AKAP7: variants seen among roughly 807,000 people sequenced by gnomAD.
The protein encoded by AKAP7 is A-kinase anchoring protein 7.
In AKAP7, 39 loss-of-function variants were observed where a neutral mutation model predicts 39.5. The ratio of observed to expected loss-of-function variants is 0.99; its 90% CI spans 0.76 to 1.29. The LOEUF (loss-of-function observed/expected upper bound fraction) is 1.29, where lower values mean the gene tolerates loss of function less well. Ranked by LOEUF, AKAP7 falls within the 50% of genes most tolerant of loss-of-function variation. AKAP7 has a pLI of 0.00. For synonymous variants in AKAP7, 140 were observed against 139.1 expected, an observed-to-expected ratio of 1.01 and a Z score of -0.05; for missense variants, 414 against 407.7, an observed-to-expected ratio of 1.02 and a Z score of -0.13.
chr6:131,148,144 C>G (rs1317947015), intron 2 of AKAP7, among the ~76,000 whole-genome samples: 3 of 152,174 alleles, frequency 2.0e-5, no homozygotes, highest in East Asian at 3.8e-4. Flanking sequence ...GATCTTTTCT[C>G]TCTAGGATAT....
chr6:131,235,696 A>G lies in AKAP7; in HGVS notation c.850+15888A>G, dbSNP rs575373793. Among the ~76,000 whole-genome samples, 4 of 152,294 alleles carry G rather than the reference A, an allele frequency of 2.6e-5. No homozygotes were observed. The East Asian group carries it at 7.7e-4, about 29-fold the overall frequency. ...ATTTTTTCATGTGTCTTTTGGCTGC[A>G]TAAATGTCTTCTTTTGAGAAGTGCC... is the stretch of plus-strand genomic sequence containing the variant. On this transcript the variant is annotated intron_variant, in intron 7 of 7. Coordinates refer to ENST00000431975, the MANE Select transcript of AKAP7 (RefSeq NM_016377.4).
chr6:131,281,574 C>T lies in AKAP7; in HGVS notation c.895C>T (p.Leu299Phe). 5.6e-6 allele frequency: 9 copies of T among 1,613,142 alleles called. No individual in the cohort carries two copies. The highest frequency in any genetic ancestry group is 7.6e-6 in the Non-Finnish European group (9 of 1,179,528). ...GCCCGATGACGCTGAACTAGTAAGG[C>T]TCAGTAAGAGGCTGGTGGAGAACGC... ...GEPDDAELVRLSKRLVENAVL... is the reference protein window; with the variant it reads ...GEPDDAELVRFSKRLVENAVL... The change falls in exon 8 of 8, where the codon CTC becomes TTC. Residue 299 changes from leucine (L) to phenylalanine (F), a missense_variant. Transcript: ENST00000431975. This position sits in a 1 kb window ranked among gnomAD's most constrained non-coding sequence, Gnocchi z 4.0.
chr6:131,129,973 G>A, the AKAP7 span, among the ~76,000 whole-genome samples: 6 of 152,144 alleles, frequency 3.9e-5, no homozygotes, highest in Non-Finnish European at 8.8e-5. Flanking sequence ...GGTCAGGACC[G>A]TATCACAGAA....
rs932455354 is a variant in AKAP7, at chr6:131,268,821, C to T, written c.851-12709C>T. Among the ~76,000 whole-genome samples the T allele has an allele frequency of 2.0e-5, 3 of 152,136 alleles. No individual in the cohort carries two copies. In the East Asian group the frequency reaches 5.8e-4, roughly 29 times the overall value. Reference sequence around the variant, plus strand: ...TCATGCTTTTAAGTTTTAGGTAATGCTCTCTTAAAATACATGATAAGAAAT... The same window carrying T: ...TCATGCTTTTAAGTTTTAGGTAATGTTCTCTTAAAATACATGATAAGAAAT... On this transcript the variant is annotated intron_variant, in intron 7 of 7. Transcript: ENST00000431975.
chr6:131,239,047 G>A (rs1811312654), intron 7 of AKAP7, among the ~76,000 whole-genome samples: 1 of 152,118 alleles, frequency 6.6e-6, no homozygotes. Context: ...GGCTGGTACT[G>A]GTTGTTCCTT....
intron 6 of AKAP7, among the ~76,000 whole-genome samples, chr6:131,204,613 G>A (rs1024997484): frequency 6.6e-6 from 1 of 152,134 alleles, no homozygotes; most frequent in African/African-American, 2.4e-5. Flanking sequence ...TATCCCCCTT[G>A]ACATGCTGAG....
chr6:131,226,789 C>T (rs1258575619), intron 7 of AKAP7, among the ~76,000 whole-genome samples: 2 of 152,056 alleles, frequency 1.3e-5, no homozygotes, highest in African/African-American at 4.8e-5. Flanking sequence ...GTTTGCAGTC[C>T]AGTATATTTA....
intron 1 of AKAP7, among the ~76,000 whole-genome samples, chr6:131,138,041 T>A (rs1490823356): frequency 6.6e-6 from 1 of 152,172 alleles, no homozygotes; most frequent in Non-Finnish European, 1.5e-5. Context: ...CATGCTTCGT[T>A]TAACTGTTTC....
intron 7 of AKAP7, among the ~76,000 whole-genome samples, chr6:131,222,895 AC>A (rs1239435887): frequency 6.6e-6 from 1 of 152,164 alleles, no homozygotes; most frequent in Non-Finnish European, 1.5e-5. Context: ...GATGCAGCAA[AC>A]TTCATTATTG....
At chr6:131,241,637 A>ATATGTG (rs1554217972) in intron 7 of AKAP7, among the ~76,000 whole-genome samples, 1 of 78,842 alleles carries the variant, frequency 1.3e-5, no homozygotes, top group Admixed American at 1.3e-4. Flanking sequence ...GTATATATAT[A>ATATGTG]TGACAGTTAT....
chr6:131,270,813 C>T (rs995176493), intron 7 of AKAP7, among the ~76,000 whole-genome samples: 1 of 152,064 alleles, frequency 6.6e-6, no homozygotes, highest in African/African-American at 2.4e-5. Flanking sequence ...TTGTATTTCC[C>T]TGATAACTAA....
chr6:131,145,205 CTGAGT>C lies in AKAP7; in HGVS notation c.20-78_20-74del, dbSNP rs551011821. On this transcript the variant is annotated intron_variant, in intron 1 of 7. Transcript: ENST00000431975. ...GTTAATTTATATTGAAATCAGTGAGCTGAGTTATTTTCATTTAGGATATGTTTAAA... is the reference window on the plus strand; with the variant it reads ...GTTAATTTATATTGAAATCAGTGAGCTATTTTCATTTAGGATATGTTTAAA... 1.4e-4 allele frequency: 137 copies of C among 983,654 alleles called. No homozygotes were observed. The East Asian group carries it at 3.7e-3, about 27-fold the overall frequency. 60.9% of individuals were successfully genotyped at this position (983,654 alleles called of 1,614,324 possible). A position where few individuals can be genotyped will look rare whatever the true frequency, so the allele number is the denominator to read the frequency against.
At chr6:131,225,279 G>A (rs1295437881) in intron 7 of AKAP7, among the ~76,000 whole-genome samples, 2 of 151,980 alleles carry the variant, frequency 1.3e-5, no homozygotes, top group Admixed American at 6.6e-5. Flanking sequence ...ATCTTATTGT[G>A]CATGTTTTCC....
intron 7 of AKAP7, among the ~76,000 whole-genome samples, chr6:131,226,971 A>T (rs1810222764): frequency 6.6e-6 from 1 of 152,222 alleles, no homozygotes; most frequent in Non-Finnish European, 1.5e-5. Flanking sequence ...CTTAAGAGTG[A>T]TACAGAAGCA....
chr6:131,256,770 C>T (rs894549006), intron 7 of AKAP7, among the ~76,000 whole-genome samples: 2 of 148,762 alleles, frequency 1.3e-5, no homozygotes, highest in East Asian at 5.1e-4. Flanking sequence ...AAACTCCTGG[C>T]CTCAAGTGAT....
intron 5 of AKAP7, among the ~76,000 whole-genome samples, chr6:131,198,151 A>G (rs1044780392): frequency 6.6e-6 from 1 of 152,168 alleles, no homozygotes; most frequent in African/African-American, 2.4e-5. Context: ...TATGTCAGAC[A>G]TGCAAGCCCT....
At chr6:131,196,776 A>G (rs1447278577) in intron 5 of AKAP7, among the ~76,000 whole-genome samples, 1 of 152,140 alleles carries the variant, frequency 6.6e-6, no homozygotes, top group African/African-American at 2.4e-5. Context: ...AATTTTTCAC[A>G]TGTATGCCAA....
Position 131,219,687 on chromosome 6 carries a change from A to G in AKAP7, c.729A>G (p.Leu243=), listed in dbSNP as rs200010554. The G allele has an allele frequency of 6.3e-6, 10 of 1,596,406 alleles. No homozygotes were observed. The highest frequency in any genetic ancestry group is 1.1e-5 in the South Asian group (1 of 87,454). The change falls in exon 7 of 8, where the codon TTA becomes TTG. Residue 243 remains leucine, a synonymous_variant. Transcript: ENST00000431975. ...KNGVKKIDPD[L]YEKFISHRFG... is the part of the protein sequence containing the mutation. ...GAGTGAAAAAAATAGATCCTGATTT[A>G]TATGAAAAGTTTATCAGTCACAGAT... is the stretch of plus-strand genomic sequence containing the variant.
At chr6:131,158,047 T>C (rs1802584041) in intron 2 of AKAP7, among the ~76,000 whole-genome samples, 1 of 152,244 alleles carries the variant, frequency 6.6e-6, no homozygotes. Flanking sequence ...GTACTATTTT[T>C]CTTAGAAATT....
Sources: allele counts gnomAD v4.1 joint callset (sites outside exome capture counted in the v4.1 genomes callset), GRCh38; gene constraint gnomAD v4.1.1; non-coding constraint Gnocchi (gnomAD v3.1); transcripts MANE v1.5; gene names NCBI Gene and HGNC (gene_info 2026-07-23, HGNC 2026-07-21).